DOCK7: variants seen among roughly 807,000 people sequenced by gnomAD.
DOCK7 encodes dedicator of cytokinesis 7.
DOCK7 carries 138 observed loss-of-function variants against 271.0 expected under a neutral mutation model. The ratio of observed to expected loss-of-function variants is 0.51; its 90% CI spans 0.44 to 0.59. DOCK7 has a LOEUF of 0.59. Ranked by LOEUF, DOCK7 falls within the 20% of genes least tolerant of loss-of-function variation. The pLI, the probability that DOCK7 is intolerant of heterozygous loss-of-function variation, is 0.00. For synonymous variants in DOCK7, 823 were observed against 876.1 expected, an observed-to-expected ratio of 0.94 and a Z score of 1.07; for missense variants, 2,066 against 2,592.4, an observed-to-expected ratio of 0.80 and a Z score of 4.41.
chr1:62,487,486 A>C, intron 42 of DOCK7, 74 bp from the exon 43 acceptor site: 1 of 1,333,052 alleles, frequency 7.5e-7, no homozygotes, highest in Middle Eastern at 1.9e-4. Flanking sequence ...CAAAGGCACC[A>C]TATACCATAA....
At chr1:62,471,779 T>C (rs1468641573) in intron 48 of DOCK7, among the ~76,000 whole-genome samples, 1 of 152,206 alleles carries the variant, frequency 6.6e-6, no homozygotes, top group Non-Finnish European at 1.5e-5. Context: ...TAAATTCCAG[T>C]ATATTAATTT....
intron 37 of DOCK7, among the ~76,000 whole-genome samples, chr1:62,504,030 G>A (rs550993746): frequency 1.6e-4 from 23 of 142,884 alleles, no homozygotes; most frequent in Non-Finnish European, 2.9e-4. Flanking sequence ...CTGGGCGACT[G>A]AGTGAGACTC....
At chr1:62,547,828 G>GGTTATATAAATAT (rs1645760453) in intron 22 of DOCK7, among the ~76,000 whole-genome samples, 1 of 152,114 alleles carries the variant, frequency 6.6e-6, no homozygotes, top group Non-Finnish European at 1.5e-5. Context: ...AGTAATAAAA[G>GGTTATATAAATAT]CCTGTTCAGG....
intron 12 of DOCK7, among the ~76,000 whole-genome samples, chr1:62,621,958 C>G (rs1270691426): frequency 6.6e-6 from 1 of 152,204 alleles, no homozygotes; most frequent in Non-Finnish European, 1.5e-5. Flanking sequence ...GGTCTCCATT[C>G]TTTACTCCCT....
rs375019438 is a variant in DOCK7, at chr1:62,653,754, A to G, written c.360T>C (p.Tyr120=). The part of the protein sequence containing the change: ...DPHVRDCIRS[Y]TEDWAIVIRK... ...TGATGACAATTGCCCAGTCTTCTGT[A>G]TAACTTCTTATACAGTCTCTAACAT... Residue 120 remains tyrosine (Y), a synonymous_variant, in exon 4 of 50, where the codon TAT becomes TAC. Coordinates refer to ENST00000635253, the MANE Select transcript of DOCK7 (RefSeq NM_001367561.1). The G allele has an allele frequency of 5.7e-6, 9 of 1,592,572 alleles. No individual in the cohort carries two copies. The highest frequency in any genetic ancestry group is 6.0e-6 in the Non-Finnish European group (7 of 1,161,830).
intron 1 of DOCK7, among the ~76,000 whole-genome samples, chr1:62,670,349 C>A (rs1184101339): frequency 2.6e-5 from 4 of 152,268 alleles, no homozygotes; most frequent in Non-Finnish European, 5.9e-5. Context: ...GCCAGCTGGG[C>A]TCCTGAGTCT....
At chr1:62,457,937 C>G in intron 48 of DOCK7, 2 of 433,772 alleles carry the variant, frequency 4.6e-6, no homozygotes, top group South Asian at 4.0e-5. Context: ...ACCACTTGAG[C>G]CCAGGAGTTC....
intron 2 of DOCK7, among the ~76,000 whole-genome samples, chr1:62,661,591 A>T (rs183602154): frequency 1.3e-5 from 2 of 152,240 alleles, no homozygotes; most frequent in African/African-American, 4.8e-5. Flanking sequence ...CAGAATTTAA[A>T]ATGTCACAAA....
Position 62,559,080 on chromosome 1 carries a change from G to A in DOCK7, c.2340C>T (p.Ser780=), listed in dbSNP as rs1385645697. ...GAAATCGGACCACTGGTTCCAGCTG[G>A]GATGAATTCAGTGCTGAAATACTGC... ...LKSSISALNS[S]QLEPVVRFLH... Residue 780 remains serine (S), a synonymous_variant, in exon 20 of 50, where the codon TCC becomes TCT. Transcript: ENST00000635253. 6.2e-7 allele frequency: 1 copy of A among 1,613,696 alleles called. No individual in the cohort carries two copies. Among genetic ancestry groups the A allele is most frequent in the Non-Finnish European group, 8.5e-7 (1 of 1,179,858 alleles).
chr1:62,555,198 TA>T (rs1167776178), intron 21 of DOCK7: 1 of 152,192 alleles, frequency 6.6e-6, no homozygotes, highest in Non-Finnish European at 1.5e-5. Flanking sequence ...TCAGAAAGGT[TA>T]TATTATTTCA....
chr1:62,484,675 A>C (rs1646241110), intron 43 of DOCK7: 1 of 152,182 alleles, frequency 6.6e-6, no homozygotes. Context: ...TTTTCTGTAG[A>C]GATGGTCTCA....
chr1:62,512,043 A>G (rs1644502426), intron 33 of DOCK7, among the ~76,000 whole-genome samples: 1 of 152,242 alleles, frequency 6.6e-6, no homozygotes, highest in South Asian at 2.1e-4. Flanking sequence ...ACCCAAAAGT[A>G]CACTGTAAAT....
At chr1:62,644,023 T>G (rs1446501288) in intron 7 of DOCK7, among the ~76,000 whole-genome samples, 1 of 152,056 alleles carries the variant, frequency 6.6e-6, no homozygotes, top group Non-Finnish European at 1.5e-5. Context: ...ATATTAAAAG[T>G]ACTTATATTC....
At chr1:62,644,782 G>A (rs1656441500) in intron 7 of DOCK7, among the ~76,000 whole-genome samples, 1 of 152,100 alleles carries the variant, frequency 6.6e-6, no homozygotes, top group Admixed American at 6.5e-5. Context: ...GACTGTTTCT[G>A]AACTTCTGTG....
At chr1:62,501,917 A>G (rs1646796157) in intron 37 of DOCK7, among the ~76,000 whole-genome samples, 1 of 152,134 alleles carries the variant, frequency 6.6e-6, no homozygotes, top group Non-Finnish European at 1.5e-5. Context: ...AATAAACTAT[A>G]ATGTATCAAA....
chr1:62,635,707 T>C (rs1229326874), intron 8 of DOCK7: 1 of 152,156 alleles, frequency 6.6e-6, no homozygotes, highest in African/African-American at 2.4e-5. Context: ...ATATGTCTTG[T>C]GTTGGCAGCA....
chr1:62,644,761 C>T (rs544887833), intron 7 of DOCK7, among the ~76,000 whole-genome samples: 1 of 152,154 alleles, frequency 6.6e-6, no homozygotes, highest in African/African-American at 2.4e-5. Flanking sequence ...TAAAGTAAAG[C>T]TATCATTTCT....
intron 14 of DOCK7, among the ~76,000 whole-genome samples, chr1:62,612,392 A>AG (rs149831994): frequency 0.027 from 4,168 of 152,180 alleles, 194 homozygotes; most frequent in African/African-American, 0.094. Context: ...GTTGGGTGCA[A>AG]GGGAGGGAGA....
intron 35 of DOCK7, 65 bp downstream of exon 35, chr1:62,507,897 C>T: frequency 1.4e-6 from 2 of 1,457,980 alleles, no homozygotes; most frequent in African/African-American, 1.4e-5. Flanking sequence ...TCACAGTAAA[C>T]ACTTTTCCCT....
Sources: allele counts gnomAD v4.1 joint callset (sites outside exome capture counted in the v4.1 genomes callset), GRCh38; gene constraint gnomAD v4.1.1; transcripts MANE v1.5; gene names NCBI Gene and HGNC (gene_info 2026-07-23, HGNC 2026-07-21).